Variants in MDGA2 observed in about 807,000 individuals in gnomAD.
MDGA2 encodes the protein MAM domain containing glycosylphosphatidylinositol anchor 2, also known as MAM domain-containing glycosylphosphatidylinositol anchor protein 2.
Under a neutral mutation model 117.8 loss-of-function variants are expected in MDGA2, and 40 were observed. The observed-to-expected ratio is 0.34, with a 90% CI of 0.26 to 0.44. The LOEUF (loss-of-function observed/expected upper bound fraction) is 0.44. Among genes scored for constraint, MDGA2 ranks in the 20% least tolerant of loss-of-function variants. The pLI is 1.00. For synonymous variants in MDGA2, 452 were observed against 439.0 expected (o/e 1.03, Z -0.37); for missense variants, 1,123 against 1,250.6 (o/e 0.90, Z 1.54).
intron 3 of MDGA2, among the ~76,000 whole-genome samples, chr14:47,154,696 C>T (rs1264090062): frequency 6.6e-6 from 1 of 152,192 alleles, no homozygotes; most frequent in Non-Finnish European, 1.5e-5. Context: ...CACCCACCTC[C>T]GGACTTTAGG....
intron 1 of MDGA2, among the ~76,000 whole-genome samples, chr14:47,369,953 T>A (rs2138388773): frequency 6.6e-6 from 1 of 152,174 alleles, no homozygotes; most frequent in East Asian, 1.9e-4. Flanking sequence ...CTTTGTGACA[T>A]TTTCTATTAT....
intron 1 of MDGA2, among the ~76,000 whole-genome samples, chr14:47,328,241 G>A (rs2139900898): frequency 6.6e-6 from 1 of 152,172 alleles, no homozygotes; most frequent in South Asian, 2.1e-4. Context: ...GACAAATGTG[G>A]ATTTAGACAC....
In MDGA2 at chr14:47,478,774, G is replaced by A. The variant is rs1011305937; in HGVS notation, c.281-177224C>T. On this transcript the variant is annotated intron_variant, in intron 1 of 16. Transcript: ENST00000399232. ...AAACACATTGAGAAAAATCTCCTGT[G>A]AGTTAGAGATTAAGTGGAGAATGTT... 7.2e-5 allele frequency among the ~76,000 whole-genome samples: 11 copies of A among 152,322 alleles called. No individual in the cohort carries two copies. In the East Asian group the frequency reaches 2.1e-3, roughly 29 times the overall value.
intron 5 of MDGA2, 47 bp downstream of exon 5, chr14:47,131,667 A>T (rs1176444168): frequency 3.0e-5 from 42 of 1,409,160 alleles, no homozygotes; most frequent in Non-Finnish European, 3.5e-5. Context: ...GTTTTTAAAC[A>T]TTAGTTGTAG....
chr14:46,881,989 A>C (rs563520705), intron 11 of MDGA2, 55 bp downstream of exon 11: 1 of 1,292,190 alleles, frequency 7.7e-7, no homozygotes, highest in Non-Finnish European at 1.0e-6. Flanking sequence ...AGCAACCAAA[A>C]TTTTCCATAT....
intron 1 of MDGA2, among the ~76,000 whole-genome samples, chr14:47,651,817 G>T (rs1171065691): frequency 6.6e-6 from 1 of 152,114 alleles, no homozygotes; most frequent in African/African-American, 2.4e-5. Context: ...AAAACGAAAG[G>T]TCAAGGTCAA....
intron 7 of MDGA2, among the ~76,000 whole-genome samples, chr14:47,053,680 T>TAC (rs1475622559): frequency 6.9e-6 from 1 of 143,992 alleles, no homozygotes; most frequent in African/African-American, 2.5e-5. Flanking sequence ...CATATATATA[T>TAC]ACACACACAC....
At chr14:47,279,194 A>G (rs1049301365) in intron 2 of MDGA2, among the ~76,000 whole-genome samples, 27 of 152,194 alleles carry the variant, frequency 1.8e-4, no homozygotes, top group African/African-American at 5.8e-4. Flanking sequence ...TTGATTAAAA[A>G]TGTGTGCTTC....
rs150021513 is a variant in MDGA2 at position 47,553,294 on chromosome 14, G to A, written c.280+121223C>T. Among the ~76,000 whole-genome samples the A allele has an allele frequency of 2.9e-4, 44 of 152,274 alleles. No homozygotes were observed. In the East Asian group the frequency reaches 7.3e-3, roughly 25 times the overall value. On this transcript the variant is annotated intron_variant, in intron 1 of 16. Transcript: ENST00000399232. ...GCTTCTGGCAACAAGAAAAGTGTTC[G>A]GCACAGAATAGATGTCTAAAAAACA...
At chr14:47,545,120 C>A (rs1161126027) in intron 1 of MDGA2, among the ~76,000 whole-genome samples, 1 of 152,144 alleles carries the variant, frequency 6.6e-6, no homozygotes, top group African/African-American at 2.4e-5. Context: ...TTGTGAAAAT[C>A]TGTCAGGTTC....
chr14:47,190,806 A>G (rs374776591), intron 3 of MDGA2, among the ~76,000 whole-genome samples: 10 of 152,170 alleles, frequency 6.6e-5, no homozygotes, highest in African/African-American at 2.4e-4. Flanking sequence ...TTTCATATTC[A>G]TAGTTGAATA....
At chr14:47,244,183 T>C (rs1887162672) in intron 2 of MDGA2, among the ~76,000 whole-genome samples, 1 of 151,810 alleles carries the variant, frequency 6.6e-6, no homozygotes, top group Non-Finnish European at 1.5e-5. Context: ...TCTTAAAAAC[T>C]ACCTGCAGAA....
intron 3 of MDGA2, among the ~76,000 whole-genome samples, chr14:47,183,752 C>A (rs1470530587): frequency 6.6e-6 from 1 of 151,994 alleles, no homozygotes; most frequent in Non-Finnish European, 1.5e-5. Context: ...TTGTTAGAGA[C>A]TATACCAGTA....
chr14:47,289,711 C>T (rs1473594880), intron 2 of MDGA2, among the ~76,000 whole-genome samples: 1 of 152,016 alleles, frequency 6.6e-6, no homozygotes, highest in Non-Finnish European at 1.5e-5. Flanking sequence ...GTATTTCTTT[C>T]TTCTTGAAAC....
intron 1 of MDGA2, among the ~76,000 whole-genome samples, chr14:47,481,727 C>T (rs562373004): frequency 2.0e-5 from 3 of 151,868 alleles, no homozygotes; most frequent in Non-Finnish European, 4.4e-5. Context: ...CATTTATGGG[C>T]CAGAAATGAT....
chr14:47,614,639 T>C (rs1172144391), intron 1 of MDGA2, among the ~76,000 whole-genome samples: 1 of 152,364 alleles, frequency 6.6e-6, no homozygotes, highest in South Asian at 2.1e-4. Context: ...CCAAGTTTCC[T>C]GATTTAAAAC....
chr14:46,899,751 C>A (rs1883213971), intron 10 of MDGA2, among the ~76,000 whole-genome samples: 1 of 152,164 alleles, frequency 6.6e-6, no homozygotes, highest in East Asian at 1.9e-4. Flanking sequence ...AGCTTTAAAA[C>A]CTTTGAGAAA....
chr14:47,201,021 C>A (rs1885486152), intron 3 of MDGA2: 5 of 1,046,980 alleles, frequency 4.8e-6, no homozygotes, highest in Non-Finnish European at 7.5e-6. Context: ...TCCTGCCCAG[C>A]AGTACCTGTT....
intron 1 of MDGA2, among the ~76,000 whole-genome samples, chr14:47,476,567 A>G (rs759000927): frequency 6.6e-6 from 1 of 152,088 alleles, no homozygotes; most frequent in Non-Finnish European, 1.5e-5. Flanking sequence ...ACACAGTGAA[A>G]CTTTTTTTTT....
Sources: gnomAD v4.1 joint callset for allele counts (sites outside exome capture counted in the v4.1 genomes callset) on GRCh38, gnomAD v4.1.1 for gene constraint, MANE v1.5 for transcripts, NCBI Gene and HGNC (gene_info 2026-07-23, HGNC 2026-07-21) for gene names.